Variants in DTX2 observed in about 807,000 individuals in gnomAD.
DTX2 encodes the protein deltex E3 ubiquitin ligase 2.
In DTX2, 29 loss-of-function variants were observed where a neutral mutation model predicts 55.3. That is an observed-to-expected ratio of 0.52 (90% confidence interval 0.39 to 0.71). The LOEUF (loss-of-function observed/expected upper bound fraction) is 0.71. Ranked by LOEUF, DTX2 falls within the 30% of genes least tolerant of loss-of-function variation. DTX2 has a pLI of 0.00. For synonymous variants in DTX2, 276 were observed against 340.4 expected (o/e 0.81, Z 2.08); for missense variants, 537 against 822.5 (o/e 0.65, Z 4.25).
In DTX2 at chr7:76,471,835, G is replaced by C. The variant is rs1414318361; in HGVS notation, c.-90+8126G>C. On this transcript the variant is annotated intron_variant, in intron 2 of 10. Coordinates refer to ENST00000430490, the MANE Select transcript of DTX2 (RefSeq NM_001102594.3). ...ATTGCTCTTGGCCACCCAGGAGCCA[G>C]TGGGTTCTTGGTTCTGGAGAAGCTG... Among the ~76,000 whole-genome samples, 6 of 151,516 alleles carry C rather than the reference G, an allele frequency of 4.0e-5. No individual in the cohort carries two copies. In the East Asian group the frequency reaches 9.7e-4, roughly 24 times the overall value.
chr7:76,502,693 C>T lies in DTX2; in HGVS notation c.1389+237C>T. 4 of 534,938 alleles carry T rather than the reference C, an allele frequency of 7.5e-6. No homozygotes were observed. In the South Asian group the frequency reaches 1.2e-4, roughly 16 times the overall value. 33.1% of individuals were successfully genotyped at this position (534,938 alleles called of 1,614,324 possible). ...AAAGGAGGACCAGTGCGGCTGGTTC[C>T]CTCCACCCCTCCAGCCAGGCCTGAG... On this transcript the variant is annotated intron_variant, in intron 8 of 10. Transcript: ENST00000430490.
At chr7:76,472,857 T>C (rs1289665681) in intron 2 of DTX2, among the ~76,000 whole-genome samples, 1 of 152,262 alleles carries the variant, frequency 6.6e-6, no homozygotes, top group Non-Finnish European at 1.5e-5. Flanking sequence ...TTTTATGTAA[T>C]AGAGACAGTG....
chr7:76,465,393 C>T (rs1293764620), intron 2 of DTX2, among the ~76,000 whole-genome samples: 3 of 101,248 alleles, frequency 3.0e-5, no homozygotes, highest in Non-Finnish European at 3.7e-5. Context: ...GTATTGTGAT[C>T]GGCTTTGACT....
At chr7:76,498,165 C>T (rs1350434451) in intron 6 of DTX2, among the ~76,000 whole-genome samples, 2 of 152,300 alleles carry the variant, frequency 1.3e-5, no homozygotes, top group East Asian at 3.9e-4. Context: ...TGGCCGTGGC[C>T]CTGCTGGCCC....
At chr7:76,483,489 A>C (rs1390393888) in intron 4 of DTX2, among the ~76,000 whole-genome samples, 9 of 152,234 alleles carry the variant, frequency 5.9e-5, no homozygotes, top group Admixed American at 4.6e-4. Context: ...CACTGCCTGT[A>C]CACTGACTCC....
chr7:76,475,582 G>A (rs1406372545), intron 2 of DTX2, among the ~76,000 whole-genome samples: 3 of 139,666 alleles, frequency 2.1e-5, no homozygotes, highest in Admixed American at 7.1e-5. Flanking sequence ...AACTACTTGG[G>A]AGGCTGCAGC....
intron 3 of DTX2, among the ~76,000 whole-genome samples, chr7:76,481,080 G>T (rs1394031560): frequency 6.6e-6 from 1 of 152,282 alleles, no homozygotes; most frequent in Non-Finnish European, 1.5e-5. Flanking sequence ...TGCGTCATAG[G>T]AGTTCAGAGG....
intron 2 of DTX2, among the ~76,000 whole-genome samples, chr7:76,475,637 A>G (rs1454578980): frequency 1.3e-5 from 2 of 151,886 alleles, no homozygotes; most frequent in Non-Finnish European, 2.9e-5. Context: ...CAGTGAGCCA[A>G]AATTGCACTG....
chr7:76,464,840 T>G (rs1039003281), intron 2 of DTX2, among the ~76,000 whole-genome samples: 3 of 151,094 alleles, frequency 2.0e-5, no homozygotes, highest in Non-Finnish European at 4.4e-5. Context: ...CCTCAGTTGC[T>G]TATAGTCTAG....
At chr7:76,501,744 C>T (rs4728773) in intron 7 of DTX2, 57,886 of 180,908 alleles carry the variant, frequency 0.32, 6,410 homozygotes, top group East Asian at 0.4. Context: ...TAAGACCCCA[C>T]GCCGAGGGCC....
rs1809416145 is a variant in DTX2, at chr7:76,482,809, C to T, written c.570C>T (p.Gly190=). The part of the protein sequence containing the change: ...YPVTTIIAPP[G]HTGVACSCHQ... ...TGACCACCATCATCGCTCCGCCGGG[C>T]CACACAGGCGTCGCCTGCTCTTGCC... Residue 190 remains glycine (G), a synonymous_variant, in exon 4 of 11, where the codon GGC becomes GGT. Transcript: ENST00000430490. The T allele has an allele frequency of 2.5e-6, 4 of 1,613,806 alleles. No individual in the cohort carries two copies. The South Asian group carries it at 4.4e-5, about 18-fold the overall frequency.
At position 76,482,605 on chromosome 7, in the gene DTX2, T is replaced by C. The variant is rs141436878; in HGVS notation, c.366T>C (p.Thr122=). The C allele has an allele frequency of 3.0e-3, 4,891 of 1,613,764 alleles. 161 individuals carry two copies. The South Asian group carries it at 0.048, about 16-fold the overall frequency. The stretch of plus-strand genomic sequence containing the variant: ...GGCTGAGCGACGATGGCTCCTGGAC[T>C]GCCTATGAAGCCAGCGTCTGTGACT... ...WEWLSDDGSW[T]AYEASVCDYL... is the part of the protein sequence containing the mutation. Residue 122 remains threonine, a synonymous_variant, in exon 4 of 11, where the codon ACT becomes ACC. Transcript: ENST00000430490.
At chr7:76,466,786 C>T (rs4368901) in intron 2 of DTX2, among the ~76,000 whole-genome samples, 5,519 of 152,134 alleles carry the variant, frequency 0.036, 28 homozygotes, top group African/African-American at 0.12. Flanking sequence ...TTAGTAGAGA[C>T]GGAGTTTCTC....
At chr7:76,503,031 G>A (rs1320123544) in intron 8 of DTX2, 4 of 251,482 alleles carry the variant, frequency 1.6e-5, no homozygotes, top group East Asian at 9.1e-5. Context: ...TTAGAGAACC[G>A]AGTCATGTGG....
chr7:76,502,585 G>C (rs1811860905), intron 8 of DTX2, 129 bp downstream of exon 8: 1 of 1,085,656 alleles, frequency 9.2e-7, no homozygotes, highest in Admixed American at 2.8e-5. Flanking sequence ...TGCTGGGCGT[G>C]GGGCCAGCTT....
intron 5 of DTX2, among the ~76,000 whole-genome samples, chr7:76,494,277 G>C (rs558902478): frequency 2.2e-5 from 2 of 91,942 alleles, no homozygotes; most frequent in Admixed American, 1.1e-4. Context: ...GAGCTGGAGT[G>C]GGGCAGGGGA....
chr7:76,491,077 A>G lies in DTX2; in HGVS notation c.909-1076A>G, dbSNP rs1400458881. On this transcript the variant is annotated intron_variant, in intron 4 of 10. Transcript: ENST00000430490. ...AGTGGTGCAATCTCGGCTCACTGCA[A>G]CCTCTGCTGCCCGAGGTTCAAGTGA... is the stretch of plus-strand genomic sequence containing the variant. Among the ~76,000 whole-genome samples, 3 of 135,292 alleles carry G rather than the reference A, an allele frequency of 2.2e-5. No individual in the cohort carries two copies. The Admixed American group carries it at 2.4e-4, about 11-fold the overall frequency. The allele number at this position is 135,292 out of a possible 152,430, so 88.8% of individuals were successfully genotyped here. A position where few individuals can be genotyped will look rare whatever the true frequency, so the allele number is the denominator to read the frequency against.
At chr7:76,503,644 C>T (rs1811992630) in intron 9 of DTX2, 57 bp downstream of exon 9, 10 of 1,468,168 alleles carry the variant, frequency 6.8e-6, no homozygotes, top group South Asian at 3.8e-5. Flanking sequence ...ACCCCGCCCA[C>T]ATCCCAGCAG....
At chr7:76,484,298 C>G (rs1256051283) in intron 4 of DTX2, among the ~76,000 whole-genome samples, 1 of 104,202 alleles carries the variant, frequency 9.6e-6, no homozygotes, top group African/African-American at 3.8e-5. Context: ...GAGCCAAGAT[C>G]GTGCCACTGC....
Sources: gnomAD v4.1 joint callset for allele counts (sites outside exome capture counted in the v4.1 genomes callset) on GRCh38, gnomAD v4.1.1 for gene constraint, MANE v1.5 for transcripts, NCBI Gene and HGNC (gene_info 2026-07-23, HGNC 2026-07-21) for gene names.